DLGAP2: variants seen among roughly 807,000 people sequenced by gnomAD.
DLGAP2 encodes the protein DLG associated protein 2, also known as disks large-associated protein 2.
A neutral mutation model predicts 100.3 loss-of-function variants in DLGAP2; 26 were observed. The ratio of observed to expected loss-of-function variants is 0.26; its 90% CI spans 0.19 to 0.36. DLGAP2 has a LOEUF of 0.36. Among genes scored for constraint, DLGAP2 ranks in the 10% least tolerant of loss-of-function variants. The pLI is 1.00. For missense variants in DLGAP2, 1,858 were observed against 1,453.2 expected, an observed-to-expected ratio of 1.28 and a Z score of -4.53; for synonymous variants, 886 against 630.1, an observed-to-expected ratio of 1.41 and a Z score of -6.08.
rs1251904479 is a variant in DLGAP2, at chr8:1,036,781, C to T, written c.73+128815C>T. 3.9e-5 allele frequency among the ~76,000 whole-genome samples: 6 copies of T among 152,134 alleles called. 1 individual carries two copies. Among genetic ancestry groups the T allele is most frequent in the Admixed American group, 3.3e-4 (5 of 15,280 alleles). ...GGAGGTGCCGCAGGCTGGGAATTGC[C>T]GTCACTAAGAAAAGTGTCAATAGGC... On this transcript the variant is annotated intron_variant, in intron 2 of 14. Transcript: ENST00000637795.
In DLGAP2 at chr8:1,179,466, C is replaced by G. The variant is rs1797334325; in HGVS notation, c.74-79385C>G. ...TGCTGTCCACACCTTCAGGAGCGTC[C>G]CCAGCAGGCTCTGCAAGAGACGTGG... is the stretch of plus-strand genomic sequence containing the variant. On this transcript the variant is annotated intron_variant, in intron 2 of 14. Transcript: ENST00000637795. Among the ~76,000 whole-genome samples, 4 of 152,348 alleles carry G rather than the reference C, an allele frequency of 2.6e-5. No homozygotes were observed. The South Asian group carries it at 8.3e-4, about 32-fold the overall frequency.
intron 2 of DLGAP2, among the ~76,000 whole-genome samples, chr8:1,203,917 G>A (rs1237963615): frequency 2.0e-5 from 2 of 102,296 alleles, no homozygotes; most frequent in Non-Finnish European, 3.5e-5. Context: ...CTGACCACCT[G>A]TGAGCCTGCC....
chr8:1,005,394 C>T (rs1801076880), intron 2 of DLGAP2, among the ~76,000 whole-genome samples: 1 of 147,220 alleles, frequency 6.8e-6, no homozygotes, highest in South Asian at 2.2e-4. Flanking sequence ...GTATTCAAAA[C>T]AACTCCACTT....
At chr8:952,975 C>T (rs965229588) in intron 2 of DLGAP2, among the ~76,000 whole-genome samples, 3 of 152,068 alleles carry the variant, frequency 2.0e-5, no homozygotes, top group Admixed American at 6.5e-5. Flanking sequence ...GGTTCTTTTG[C>T]TCATACATGA....
chr8:1,381,658 G>A (rs911254383), intron 3 of DLGAP2, among the ~76,000 whole-genome samples: 4 of 152,182 alleles, frequency 2.6e-5, no homozygotes, highest in Non-Finnish European at 5.9e-5. Flanking sequence ...CCACAAGTAA[G>A]TGAGGCCACT....
chr8:1,208,590 C>T (rs558909080), intron 2 of DLGAP2, among the ~76,000 whole-genome samples: 2 of 148,076 alleles, frequency 1.4e-5, no homozygotes, highest in African/African-American at 5.1e-5. Flanking sequence ...CCCACTTTTA[C>T]CACTTCTGTT....
intron 2 of DLGAP2, among the ~76,000 whole-genome samples, chr8:1,028,815 T>A (rs540399425): frequency 6.6e-6 from 1 of 152,290 alleles, no homozygotes; most frequent in East Asian, 1.9e-4. Context: ...CAGAGTTGCA[T>A]TTTCAGAAGC....
rs995925233 is a variant in DLGAP2 at position 1,479,783 on chromosome 8, T to G, written c.107-21583T>G. 3.9e-5 allele frequency among the ~76,000 whole-genome samples: 6 copies of G among 152,176 alleles called. No homozygotes were observed. The East Asian group carries it at 5.8e-4, about 15-fold the overall frequency. On this transcript the variant is annotated intron_variant, in intron 3 of 14. Coordinates refer to ENST00000637795, the MANE Select transcript of DLGAP2 (RefSeq NM_001346810.2). ...CCTGCGGTCCAAGCTGGCTGTTAAT[T>G]TTTGGTGTCTCTGCGTTGCGATAAA...
At chr8:1,283,718 C>T (rs927937031) in intron 3 of DLGAP2, among the ~76,000 whole-genome samples, 1 of 152,196 alleles carries the variant, frequency 6.6e-6, no homozygotes, top group African/African-American at 2.4e-5. Flanking sequence ...TTGGTCTTGT[C>T]ACTCTAATTC....
At chr8:1,147,393 A>G (rs1000060672) in intron 2 of DLGAP2, among the ~76,000 whole-genome samples, 1 of 148,328 alleles carries the variant, frequency 6.7e-6, no homozygotes, top group Non-Finnish European at 1.5e-5. Context: ...ATTTAACTCT[A>G]TTTTTTCTGT....
At chr8:1,172,911 C>T (rs192971297) in intron 2 of DLGAP2, among the ~76,000 whole-genome samples, 149 of 152,286 alleles carry the variant, frequency 9.8e-4, no homozygotes, top group African/African-American at 3.0e-3. Flanking sequence ...CAGCTTTGTT[C>T]GATTGCTGGT....
chr8:1,516,489 A>G (rs1283011135), intron 4 of DLGAP2, among the ~76,000 whole-genome samples: 1 of 134,908 alleles, frequency 7.4e-6, no homozygotes, highest in Non-Finnish European at 1.6e-5. Flanking sequence ...GTGAAAGAGT[A>G]CATGAATGAG....
At chr8:1,442,688 G>A (rs1797871862) in intron 3 of DLGAP2, among the ~76,000 whole-genome samples, 3 of 148,374 alleles carry the variant, frequency 2.0e-5, no homozygotes, top group Admixed American at 1.3e-4. Context: ...AGGCTGCTGT[G>A]GGTTCATCCA....
chr8:1,024,526 G>A (rs534111177), intron 2 of DLGAP2, among the ~76,000 whole-genome samples: 5 of 152,276 alleles, frequency 3.3e-5, no homozygotes, highest in Admixed American at 6.5e-5. Context: ...ACCTCTGCCT[G>A]GCACAGCAGC....
At chr8:1,032,461 C>T (rs1206307594) in intron 2 of DLGAP2, 1 of 152,254 alleles carries the variant, frequency 6.6e-6, no homozygotes, top group African/African-American at 2.4e-5. Context: ...AATTCCAAGC[C>T]AGCCTAGGGA....
chr8:1,097,360 G>A (rs1252377890), intron 2 of DLGAP2, among the ~76,000 whole-genome samples: 1 of 97,202 alleles, frequency 1.0e-5, no homozygotes, highest in African/African-American at 4.0e-5. Context: ...CCACGTCCCT[G>A]TGCTCAGTAG....
intron 3 of DLGAP2, among the ~76,000 whole-genome samples, chr8:1,348,671 A>G (rs183687978): frequency 1.2e-3 from 177 of 152,232 alleles, no homozygotes; most frequent in African/African-American, 3.8e-3. Context: ...GGCTGTGTGG[A>G]GGTTGAGTGC....
rs1563156302 is a variant in DLGAP2, at chr8:1,449,862, A to ATGAGGTGGG, written c.107-51504_107-51503insTGAGGTGGG. 4.0e-4 allele frequency among the ~76,000 whole-genome samples: 59 copies of ATGAGGTGGG among 146,618 alleles called. 2 individuals carry two copies. The highest frequency in any genetic ancestry group is 1.2e-3 in the African/African-American group (47 of 39,978). On this transcript the variant is annotated intron_variant, in intron 3 of 14. Transcript: ENST00000637795. The stretch of plus-strand genomic sequence containing the variant: ...CTGTAGCGGAGCTGTGAGGGTGAAG[A>ATGAGGTGGG]CGAGGTGGGCGGCCTCGGTGGCTGA...
At chr8:913,157 G>A (rs1798522238) in intron 2 of DLGAP2, among the ~76,000 whole-genome samples, 1 of 152,214 alleles carries the variant, frequency 6.6e-6, no homozygotes, top group South Asian at 2.1e-4. Context: ...AAGCCTACAG[G>A]TTGGCAGACC....
Sources: allele counts gnomAD v4.1 joint callset (sites outside exome capture counted in the v4.1 genomes callset), GRCh38; gene constraint gnomAD v4.1.1; transcripts MANE v1.5; gene names NCBI Gene and HGNC (gene_info 2026-07-23, HGNC 2026-07-21).